MKLN1: variants seen among roughly 807,000 people sequenced by gnomAD.
The protein encoded by MKLN1 is muskelin.
In MKLN1, 18 loss-of-function variants were observed where a neutral mutation model predicts 99.0. The observed-to-expected ratio is 0.18, with a 90% CI of 0.13 to 0.27. The LOEUF (loss-of-function observed/expected upper bound fraction) is 0.27. Ranked by LOEUF, MKLN1 falls within the 10% of genes least tolerant of loss-of-function variation. The pLI, the probability that MKLN1 is intolerant of heterozygous loss-of-function variation, is 1.00. For synonymous variants in MKLN1, 288 were observed against 293.2 expected (o/e 0.98, Z 0.18); for missense variants, 621 against 875.9 (o/e 0.71, Z 3.67).
At chr7:131,340,656 T>C (rs543782753) in intron 1 of MKLN1, among the ~76,000 whole-genome samples, 5 of 152,316 alleles carry the variant, frequency 3.3e-5, no homozygotes, top group East Asian at 3.9e-4. Flanking sequence ...CTCCATAGAA[T>C]GTATGGAATT....
intron 2 of MKLN1, 90 bp downstream of exon 2, chr7:131,375,583 G>T: frequency 6.6e-6 from 5 of 753,204 alleles, no homozygotes; most frequent in African/African-American, 1.8e-5. Context: ...TCTACTAATA[G>T]TTTATTCTCT....
In MKLN1 at chr7:131,194,003, G is replaced by GTT. The variant is rs71168387; in HGVS notation, c.-296-8838_-296-8837dup. 2.9e-3 allele frequency among the ~76,000 whole-genome samples: 378 copies of GTT among 128,232 alleles called. 2 individuals carry two copies. Among genetic ancestry groups the GTT allele is most frequent in the Non-Finnish European group, 4.5e-3 (274 of 60,332 alleles). The allele number at this position is 128,232 out of a possible 152,430, so 84.1% of individuals were successfully genotyped here. A position where few individuals can be genotyped will look rare whatever the true frequency, so the allele number is the denominator to read the frequency against. On this transcript the variant is annotated intron_variant, in intron 2 of 7. Coordinates refer to the MKLN1 transcript ENST00000416992. ...TTATTTATTTTTCTTGCTTTGTTTT[G>GTT]TTTTTTTTTTTTTTTTTCCAGAAAC...
intron 3 of MKLN1, among the ~76,000 whole-genome samples, chr7:131,227,495 C>CTCTCTCTTTCTTTCTTTCTT (rs1554539894): frequency 3.0e-4 from 35 of 115,708 alleles, no homozygotes; most frequent in Non-Finnish European, 1.7e-4. Context: ...CTCTTTCTTT[C>CTCTCTCTTTCTTTCTTTCTT]TCTTTCTTTC....
intron 1 of MKLN1, among the ~76,000 whole-genome samples, chr7:131,362,433 G>A (rs1326312440): frequency 6.6e-6 from 1 of 151,908 alleles, no homozygotes; most frequent in Non-Finnish European, 1.5e-5. Flanking sequence ...TTTCTATCTG[G>A]AAGCTCAAGG....
intron 3 of MKLN1, among the ~76,000 whole-genome samples, chr7:131,265,213 C>T (rs1295885014): frequency 6.6e-6 from 1 of 152,142 alleles, no homozygotes; most frequent in Non-Finnish European, 1.5e-5. Context: ...CGAAATAATG[C>T]TTCAACAATA....
At chr7:131,330,012 T>C (rs1242471912) in intron 1 of MKLN1, among the ~76,000 whole-genome samples, 5 of 152,254 alleles carry the variant, frequency 3.3e-5, no homozygotes, top group African/African-American at 1.2e-4. Context: ...CTAAGCTTTT[T>C]TCTTTGAAGG....
intron 3 of MKLN1, among the ~76,000 whole-genome samples, chr7:131,231,965 TA>T (rs549975202): frequency 4.6e-5 from 7 of 152,198 alleles, no homozygotes; most frequent in Non-Finnish European, 1.0e-4. Flanking sequence ...TTTAGAGTGT[TA>T]AAAATTACTG....
chr7:131,192,489 A>C (rs1227032134), intron 2 of MKLN1, among the ~76,000 whole-genome samples: 1 of 131,202 alleles, frequency 7.6e-6, no homozygotes, highest in Non-Finnish European at 1.6e-5. Context: ...ATATATAAAT[A>C]TATATAATAT....
intron 2 of MKLN1, among the ~76,000 whole-genome samples, chr7:131,174,974 GATAGA>G (rs1796272274): frequency 1.3e-5 from 2 of 149,998 alleles, no homozygotes; most frequent in East Asian, 3.9e-4. Context: ...TAGATAGATA[GATAGA>G]TAGATAGATA....
At chr7:131,395,436 A>G (rs1360920953) in intron 4 of MKLN1, among the ~76,000 whole-genome samples, 1 of 145,084 alleles carries the variant, frequency 6.9e-6, no homozygotes, top group Non-Finnish European at 1.5e-5. Context: ...TTTCTGTGCC[A>G]TTGGTAAAAA....
intron 3 of MKLN1, among the ~76,000 whole-genome samples, chr7:131,269,742 T>A (rs1797857399): frequency 6.6e-6 from 1 of 152,222 alleles, no homozygotes. Context: ...CATCCATTTG[T>A]CCTCATTTAC....
chr7:131,365,978 G>A (rs1200177662), intron 1 of MKLN1, among the ~76,000 whole-genome samples: 2 of 152,134 alleles, frequency 1.3e-5, no homozygotes, highest in Non-Finnish European at 2.9e-5. Context: ...GAGTATACAT[G>A]ATACTTCGAA....
At chr7:131,246,624 C>T (rs1184894345) in intron 3 of MKLN1, among the ~76,000 whole-genome samples, 1 of 151,400 alleles carries the variant, frequency 6.6e-6, no homozygotes. Flanking sequence ...CCCCCTTCCT[C>T]CAATAAAGTG....
chr7:131,439,805 T>C lies in MKLN1; in HGVS notation c.1173+1808T>C, dbSNP rs569539589. On this transcript the variant is annotated intron_variant, in intron 10 of 17. Coordinates refer to ENST00000352689, the MANE Select transcript of MKLN1 (RefSeq NM_013255.5). Reference sequence around the variant, plus strand: ...ATAGTGGCGGTTTAGTTCTCAAGCTTTCCTTGATGTTGCTTTGTGTGGTTT... The same window carrying C: ...ATAGTGGCGGTTTAGTTCTCAAGCTCTCCTTGATGTTGCTTTGTGTGGTTT... 8.5e-5 allele frequency among the ~76,000 whole-genome samples: 13 copies of C among 152,088 alleles called. 1 individual carries two copies. The East Asian group carries it at 2.3e-3, about 27-fold the overall frequency.
At chr7:131,461,846 A>G (rs1796523236) in intron 12 of MKLN1, among the ~76,000 whole-genome samples, 2 of 152,228 alleles carry the variant, frequency 1.3e-5, no homozygotes, top group African/African-American at 4.8e-5. Context: ...TTATATTTCA[A>G]ACATTTTCAA....
chr7:131,399,607 A>G (rs1794472412), intron 6 of MKLN1, among the ~76,000 whole-genome samples, 174 bp downstream of exon 6: 2 of 152,200 alleles, frequency 1.3e-5, no homozygotes, highest in Admixed American at 6.5e-5. Flanking sequence ...AAATAGATCC[A>G]TGATGTAATG....
chr7:131,112,949 G>C (rs1264094484), intron 1 of MKLN1, among the ~76,000 whole-genome samples: 1 of 152,218 alleles, frequency 6.6e-6, no homozygotes, highest in African/African-American at 2.4e-5. Flanking sequence ...GAAAAGACCT[G>C]ACTTTGAAAC....
At chr7:131,327,767 C>A, upstream of MKLN1, 3 of 1,420,246 alleles carry the variant, frequency 2.1e-6, no homozygotes, top group Middle Eastern at 5.2e-4. Context: ...CGGCGCTGGG[C>A]TCGGGTAACG....
intron 1 of MKLN1, among the ~76,000 whole-genome samples, chr7:131,358,854 T>C (rs1799951220): frequency 6.6e-6 from 1 of 152,100 alleles, no homozygotes; most frequent in African/African-American, 2.4e-5. Context: ...AAGTGATCAA[T>C]AGTGATCACT....
Sources: allele counts gnomAD v4.1 joint callset (sites outside exome capture counted in the v4.1 genomes callset), GRCh38; gene constraint gnomAD v4.1.1; transcripts MANE v1.5; gene names NCBI Gene and HGNC (gene_info 2026-07-23, HGNC 2026-07-21).